The following GPR39 variants were observed in gnomAD, a reference collection of about 807,000 sequenced individuals.
GPR39 encodes zinc sensing receptor.
Under a neutral mutation model 18.4 loss-of-function variants are expected in GPR39, and 23 were observed. That is an observed-to-expected ratio of 1.25 (90% confidence interval 0.90 to 1.77). The LOEUF (loss-of-function observed/expected upper bound fraction) is 1.77. Among genes scored for constraint, GPR39 ranks in the 40% most tolerant of loss-of-function variants. The probability of loss-of-function intolerance (pLI) is 0.00; values close to 1 mark genes in which losing one functional copy is unlikely to be tolerated. For missense variants in GPR39, 647 were observed against 602.4 expected (o/e 1.07, Z -0.78); for synonymous variants, 280 against 257.9 (o/e 1.09, Z -0.82).
At chr2:132,465,655 G>A (rs757253958) in intron 1 of GPR39, among the ~76,000 whole-genome samples, 10 of 152,186 alleles carry the variant, frequency 6.6e-5, no homozygotes, top group Admixed American at 4.6e-4. Flanking sequence ...TTGTCACAGC[G>A]TTTGAAGGAG....
chr2:132,619,166 G>A (rs1234678075), intron 1 of GPR39, among the ~76,000 whole-genome samples: 1 of 152,216 alleles, frequency 6.6e-6, no homozygotes, highest in Non-Finnish European at 1.5e-5. Context: ...CAGCAGGTGC[G>A]AGATCATGGT....
At chr2:132,487,110 G>A (rs1005791985) in intron 1 of GPR39, among the ~76,000 whole-genome samples, 2 of 152,104 alleles carry the variant, frequency 1.3e-5, no homozygotes, top group East Asian at 1.9e-4. Flanking sequence ...GGGAATGGCC[G>A]GTCAGTGGAG....
intron 1 of GPR39, among the ~76,000 whole-genome samples, chr2:132,552,863 CATATATAT>C (rs1169279011): frequency 2.2e-5 from 3 of 134,896 alleles, no homozygotes; most frequent in African/African-American, 8.5e-5. Flanking sequence ...TATATATATA[CATATATAT>C]ACACATATAT....
intron 1 of GPR39, among the ~76,000 whole-genome samples, chr2:132,617,783 T>C (rs77880425): frequency 0.015 from 2,341 of 152,318 alleles, 61 homozygotes; most frequent in African/African-American, 0.053. Flanking sequence ...TGCAGACAGA[T>C]CTGAGTTCAA....
intron 1 of GPR39, among the ~76,000 whole-genome samples, chr2:132,422,586 G>A (rs994969497): frequency 3.2e-4 from 48 of 151,948 alleles, no homozygotes; most frequent in Non-Finnish European, 8.8e-5. Flanking sequence ...TGTCAACACA[G>A]TCTTTGAGGG....
rs570870580 is a variant in GPR39, at chr2:132,586,012, T to G, written c.857-59089T>G. On this transcript the variant is annotated intron_variant, in intron 1 of 1. Transcript: ENST00000329321. ...AGTGACCAGTGGCACCGCAGAAAGT[T>G]CATTAACACTCCCATTTGTGGCGTC... is the stretch of plus-strand genomic sequence containing the variant. Among the ~76,000 whole-genome samples the G allele has an allele frequency of 1.5e-4, 20 of 133,736 alleles. No homozygotes were observed. In the South Asian group the frequency reaches 5.0e-3, roughly 33 times the overall value. 87.7% of individuals were successfully genotyped at this position (133,736 alleles called of 152,430 possible).
chr2:132,448,290 G>A (rs553012671), intron 1 of GPR39, among the ~76,000 whole-genome samples: 10 of 152,316 alleles, frequency 6.6e-5, no homozygotes, highest in South Asian at 4.1e-4. Context: ...TAGACAGTAA[G>A]CTGTGTGGGG....
intron 1 of GPR39, among the ~76,000 whole-genome samples, chr2:132,564,362 C>T (rs909573882): frequency 5.9e-5 from 9 of 152,312 alleles, no homozygotes; most frequent in African/African-American, 1.9e-4. Context: ...GAGCACATTA[C>T]AGATAATAAA....
chr2:132,646,421 G>C lies in GPR39; in HGVS notation c.*815G>C, dbSNP rs1049369484. The C allele has an allele frequency of 2.2e-6, 1 of 447,324 alleles. No individual in the cohort carries two copies. The highest frequency in any genetic ancestry group is 2.0e-5 in the African/African-American group (1 of 49,348). The allele number at this position is 447,324 out of a possible 1,614,324, so 27.7% of individuals were successfully genotyped here. A position where few individuals can be genotyped will look rare whatever the true frequency, so the allele number is the denominator to read the frequency against. ...TAGGTGAGGTCAGGGAAGTGCTTCGGATTGTCTCATTGATATTCAAGATAG... is the reference window on the plus strand; with the variant it reads ...TAGGTGAGGTCAGGGAAGTGCTTCGCATTGTCTCATTGATATTCAAGATAG... On this transcript the variant is annotated 3_prime_UTR_variant, in exon 2 of 2. Transcript: ENST00000329321.
intron 1 of GPR39, among the ~76,000 whole-genome samples, chr2:132,554,946 T>C (rs1409034481): frequency 1.6e-5 from 2 of 125,254 alleles, no homozygotes; most frequent in African/African-American, 6.3e-5. Flanking sequence ...CACTTCCACT[T>C]TCAACCATTT....
At chr2:132,420,160 C>T (rs1209184268) in intron 1 of GPR39, among the ~76,000 whole-genome samples, 2 of 152,176 alleles carry the variant, frequency 1.3e-5, no homozygotes, top group Admixed American at 6.5e-5. Flanking sequence ...CCACTGTGTT[C>T]TCAGCATAAA....
chr2:132,504,939 C>T (rs1417342549), intron 1 of GPR39, among the ~76,000 whole-genome samples: 1 of 152,192 alleles, frequency 6.6e-6, no homozygotes, highest in Non-Finnish European at 1.5e-5. Context: ...CATCTTTCCA[C>T]ATTTGTTGGA....
At chr2:132,536,017 A>AAAAC (rs1480616403) in intron 1 of GPR39, among the ~76,000 whole-genome samples, 1 of 150,392 alleles carries the variant, frequency 6.6e-6, no homozygotes, top group Non-Finnish European at 1.5e-5. Flanking sequence ...TTCAAAAAAA[A>AAAAC]AAAACAGCTC....
intron 1 of GPR39, among the ~76,000 whole-genome samples, chr2:132,522,415 C>T (rs1679441550): frequency 6.6e-6 from 1 of 152,204 alleles, no homozygotes; most frequent in Non-Finnish European, 1.5e-5. Context: ...CAATTAATGA[C>T]TGATTGGGAA....
chr2:132,623,551 C>A (rs181142272), intron 1 of GPR39, among the ~76,000 whole-genome samples: 38 of 152,316 alleles, frequency 2.5e-4, no homozygotes, highest in African/African-American at 8.7e-4. Context: ...TCGCCCTGCC[C>A]TTCAAAAAGC....
intron 1 of GPR39, among the ~76,000 whole-genome samples, chr2:132,544,581 A>C (rs1363546130): frequency 2.0e-5 from 3 of 152,188 alleles, no homozygotes; most frequent in Admixed American, 1.3e-4. Flanking sequence ...TACTCCACCC[A>C]CTTGGCCTGC....
chr2:132,487,363 T>C (rs889897164), intron 1 of GPR39, among the ~76,000 whole-genome samples: 1 of 152,110 alleles, frequency 6.6e-6, no homozygotes, highest in African/African-American at 2.4e-5. Context: ...TTGGAAAAAA[T>C]GGTGCTGATA....
intron 1 of GPR39, among the ~76,000 whole-genome samples, chr2:132,532,234 A>T (rs550262260): frequency 3.5e-4 from 54 of 152,364 alleles, no homozygotes; most frequent in South Asian, 1.4e-3. Flanking sequence ...CAAATAAACT[A>T]GAAAATCTAG....
At chr2:132,471,166 C>T (rs1412965224) in intron 1 of GPR39, among the ~76,000 whole-genome samples, 1 of 151,980 alleles carries the variant, frequency 6.6e-6, no homozygotes, top group Non-Finnish European at 1.5e-5. Context: ...GGGTCTGTTG[C>T]AAGCTAGCCA....
Sources: allele counts gnomAD v4.1 joint callset (sites outside exome capture counted in the v4.1 genomes callset), GRCh38; gene constraint gnomAD v4.1.1; transcripts MANE v1.5; gene names NCBI Gene and HGNC (gene_info 2026-07-23, HGNC 2026-07-21).